Variants in MANBA observed in about 807,000 individuals in gnomAD.
MANBA encodes mannosidase beta.
Under a neutral mutation model 111.1 loss-of-function variants are expected in MANBA, and 83 were observed. That is an observed-to-expected ratio of 0.75 (90% CI 0.63 to 0.90). MANBA has a LOEUF of 0.90. Among genes scored for constraint, MANBA ranks in the 40% least tolerant of loss-of-function variants. The pLI, the probability that MANBA is intolerant of heterozygous loss-of-function variation, is 0.00. For missense variants in MANBA, 1,036 were observed against 1,069.0 expected (o/e 0.97, Z 0.43); for synonymous variants, 370 against 378.7 (o/e 0.98, Z 0.27).
chr4:102,752,086 T>G (rs1229234055), intron 1 of MANBA: 1 of 760,768 alleles, frequency 1.3e-6, no homozygotes, highest in Non-Finnish European at 2.5e-6. Context: ...AATGGAGGAA[T>G]CCACAAATCG....
chr4:102,700,305 A>C (rs1250747530), intron 5 of MANBA, among the ~76,000 whole-genome samples: 3 of 152,008 alleles, frequency 2.0e-5, no homozygotes, highest in African/African-American at 7.2e-5. Context: ...CTTTCAAAAA[A>C]CCAGCTCCTG....
chr4:102,760,688 G>A, intron 1 of MANBA, 30 bp downstream of exon 1: 4 of 1,509,566 alleles, frequency 2.6e-6, no homozygotes, highest in African/African-American at 1.4e-5. Flanking sequence ...GGCGGGCGCA[G>A]GCTCGCCGCG....
chr4:102,721,747 GC>G (rs1722583457), intron 4 of MANBA, among the ~76,000 whole-genome samples: 1 of 152,006 alleles, frequency 6.6e-6, no homozygotes, highest in African/African-American at 2.4e-5. Flanking sequence ...AGTAGAATGG[GC>G]CAAGCATGGT....
intron 5 of MANBA, among the ~76,000 whole-genome samples, chr4:102,711,583 A>G (rs1466675824): frequency 2.0e-5 from 3 of 152,200 alleles, no homozygotes; most frequent in African/African-American, 7.2e-5. Context: ...TCATTACCAT[A>G]CAATCCAAGA....
intron 2 of MANBA, 144 bp downstream of exon 2, chr4:102,726,441 TTAAC>T: frequency 3.3e-6 from 2 of 613,686 alleles, no homozygotes; most frequent in Non-Finnish European, 5.7e-6. Context: ...TTCATCTTAC[TTAAC>T]TCTCAGATAT....
intron 4 of MANBA, among the ~76,000 whole-genome samples, chr4:102,716,691 G>A (rs1722346650): frequency 6.6e-6 from 1 of 152,190 alleles, no homozygotes; most frequent in Non-Finnish European, 1.5e-5. Context: ...TAATTAAAAT[G>A]TGTAAAGCTA....
chr4:102,708,729 C>A (rs1721872049), intron 5 of MANBA, among the ~76,000 whole-genome samples: 2 of 151,398 alleles, frequency 1.3e-5, no homozygotes, highest in African/African-American at 4.9e-5. Flanking sequence ...TTTTTGAAAA[C>A]AAGATTGATA....
chr4:102,706,602 A>C (rs879308816), intron 5 of MANBA, among the ~76,000 whole-genome samples: 10 of 152,216 alleles, frequency 6.6e-5, no homozygotes, highest in Non-Finnish European at 1.2e-4. Flanking sequence ...ATCCAACAAC[A>C]GATTCCAATA....
intron 1 of MANBA, among the ~76,000 whole-genome samples, chr4:102,757,601 C>T (rs223491): frequency 0.98 from 149,337 of 152,316 alleles, 73,226 homozygotes; most frequent in East Asian, 1. Context: ...ACATGTAAAA[C>T]GTGTTCTCAC....
At position 102,674,055 on chromosome 4, in the gene MANBA, C is replaced by T. The variant is rs781213345; in HGVS notation, c.976G>A (p.Val326Met). ...EKSAKVYFRT[V>M]ELIEEPIKGS... ...TTTATAGGCTCTTCTATAAGTTCCACTGTCCTAAAATAAACCTGCAATGAA... is the reference window on the plus strand; with the variant it reads ...TTTATAGGCTCTTCTATAAGTTCCATTGTCCTAAAATAAACCTGCAATGAA... Residue 326 changes from valine (V) to methionine (M), a missense_variant, in exon 8 of 17, where the codon GTG becomes ATG. By Grantham distance (21) the Val-to-Met change is conservative (BLOSUM62 1). Transcript: ENST00000647097. 68 of 1,599,892 alleles carry T rather than the reference C, an allele frequency of 4.3e-5. No individual in the cohort carries two copies. The highest frequency in any genetic ancestry group is 5.7e-5 in the Non-Finnish European group (66 of 1,167,292).
intron 1 of MANBA, among the ~76,000 whole-genome samples, chr4:102,756,847 C>T (rs1197523384): frequency 4.1e-5 from 6 of 148,100 alleles, no homozygotes; most frequent in Non-Finnish European, 7.4e-5. Context: ...AAACTTACAC[C>T]AGTGAGAAAT....
intron 7 of MANBA, among the ~76,000 whole-genome samples, chr4:102,679,231 A>C (rs929198320): frequency 6.6e-6 from 1 of 152,114 alleles, no homozygotes; most frequent in African/African-American, 2.4e-5. Context: ...AAGTTAACAG[A>C]TTAACATTGA....
rs1233358661 is a variant in MANBA at position 102,760,900 on chromosome 4, G to A, written c.-6C>T. ...AGGAGCAGGTGGAGGCGCATCTTGA[G>A]ATCCCGCGCCACCGAGATGTGGAGA... is the stretch of plus-strand genomic sequence containing the variant. On this transcript the variant is annotated 5_prime_UTR_variant, in exon 1 of 17. Coordinates refer to ENST00000647097, the MANE Select transcript of MANBA (RefSeq NM_005908.4). The A allele has an allele frequency of 6.5e-7, 1 of 1,535,230 alleles. No homozygotes were observed. The highest frequency in any genetic ancestry group is 8.7e-7 in the Non-Finnish European group (1 of 1,144,752).
At chr4:102,699,620 T>C (rs1490074745) in intron 5 of MANBA, among the ~76,000 whole-genome samples, 3 of 150,934 alleles carry the variant, frequency 2.0e-5, no homozygotes, top group African/African-American at 7.4e-5. Flanking sequence ...GATAATCATG[T>C]GGTTTTTGTC....
intron 5 of MANBA, among the ~76,000 whole-genome samples, chr4:102,703,987 C>T (rs1407571347): frequency 2.6e-5 from 4 of 151,720 alleles, no homozygotes; most frequent in Admixed American, 6.6e-5. Flanking sequence ...ACCAGCTACT[C>T]GGGAGGCTAA....
Position 102,664,833 on chromosome 4 carries a change from T to A in MANBA, c.1337A>T (p.His446Leu), listed in dbSNP as rs1731150306. 1.2e-6 allele frequency: 2 copies of A among 1,605,100 alleles called. No individual in the cohort carries two copies. The highest frequency in any genetic ancestry group is 2.7e-5 in the African/African-American group (2 of 74,846). ...GCCACTCCATATGATGATAGAAGGATGAGATTTCAGTCTCTTGATCTGAAA... is the reference window on the plus strand; with the variant it reads ...GCCACTCCATATGATGATAGAAGGAAGAGATTTCAGTCTCTTGATCTGAAA... ...VAYQIKRLKS[H>L]PSIIIWSGNN... The change falls in exon 11 of 17, where the codon CAT (histidine) becomes CTT (leucine). Residue 446 changes from histidine (H) to leucine (L), a missense_variant. By Grantham distance (99) the His-to-Leu change is moderately conservative. Coordinates refer to ENST00000647097, the MANE Select transcript of MANBA (RefSeq NM_005908.4).
Position 102,635,114 on chromosome 4 carries a change from T to C in MANBA, c.2158-69A>G, listed in dbSNP as rs1469139316. 7 of 1,546,638 alleles carry C rather than the reference T, an allele frequency of 4.5e-6. No individual in the cohort carries two copies. In the Admixed American group the frequency reaches 1.0e-4, roughly 23 times the overall value. On this transcript the variant is annotated intron_variant, in intron 15 of 16. Coordinates refer to ENST00000647097, the MANE Select transcript of MANBA (RefSeq NM_005908.4). The stretch of plus-strand genomic sequence containing the variant: ...CTATGTTTTTAAGGAACAATAGTAG[T>C]AATAATTGCTGAAAGTCAGGTTAGC...
intron 12 of MANBA, among the ~76,000 whole-genome samples, chr4:102,651,372 T>A (rs935643987): frequency 6.6e-6 from 1 of 152,082 alleles, no homozygotes; most frequent in Non-Finnish European, 1.5e-5. Flanking sequence ...ACTTACAGGA[T>A]CTTTCTTTTG....
intron 7 of MANBA, among the ~76,000 whole-genome samples, chr4:102,688,650 T>C (rs1229065851): frequency 6.6e-6 from 1 of 152,174 alleles, no homozygotes; most frequent in South Asian, 2.1e-4. Context: ...ATGACTCTTA[T>C]AAGCCAGATC....
Sources: allele counts gnomAD v4.1 joint callset (sites outside exome capture counted in the v4.1 genomes callset), GRCh38; gene constraint gnomAD v4.1.1; transcripts MANE v1.5; gene names NCBI Gene and HGNC (gene_info 2026-07-23, HGNC 2026-07-21).